The following TMEM132D variants were observed in gnomAD, a reference collection of about 807,000 sequenced individuals.
TMEM132D encodes transmembrane protein 132D, also known as mature OL transmembrane protein.
Under a neutral mutation model 62.3 loss-of-function variants are expected in TMEM132D, and 21 were observed. The ratio of observed to expected loss-of-function variants is 0.34; its 90% confidence interval spans 0.24 to 0.49. The LOEUF (loss-of-function observed/expected upper bound fraction) is 0.49, where lower values mean the gene tolerates loss of function less well. Among genes scored for constraint, TMEM132D ranks in the 20% least tolerant of loss-of-function variants. The probability of loss-of-function intolerance (pLI) is 0.99; values close to 1 mark genes in which losing one functional copy is unlikely to be tolerated. For missense variants in TMEM132D, 1,346 were observed against 1,402.8 expected, an observed-to-expected ratio of 0.96 and a Z score of 0.65; for synonymous variants, 621 against 575.6, an observed-to-expected ratio of 1.08 and a Z score of -1.13.
intron 1 of TMEM132D, among the ~76,000 whole-genome samples, chr12:129,781,451 A>G (rs1476083068): frequency 6.6e-6 from 1 of 152,228 alleles, no homozygotes; most frequent in Non-Finnish European, 1.5e-5. Flanking sequence ...AAATGTATAC[A>G]ATGATTATTT....
chr12:129,539,386 C>A (rs1235747106), intron 2 of TMEM132D, among the ~76,000 whole-genome samples: 2 of 150,140 alleles, frequency 1.3e-5, no homozygotes, highest in African/African-American at 4.9e-5. Context: ...TGTGAGCCAC[C>A]ACATTTGGCT....
chr12:129,310,014 A>G (rs954085407), intron 4 of TMEM132D, among the ~76,000 whole-genome samples: 7 of 151,916 alleles, frequency 4.6e-5, no homozygotes, highest in African/African-American at 1.7e-4. Flanking sequence ...GCATTTCCCA[A>G]AAAAAAAGTG....
At chr12:129,535,411 G>A (rs1044359440) in intron 2 of TMEM132D, among the ~76,000 whole-genome samples, 7 of 152,188 alleles carry the variant, frequency 4.6e-5, no homozygotes, top group African/African-American at 1.7e-4. Context: ...GATTTGGATG[G>A]AGGATTTGCA....
chr12:129,555,095 A>T (rs1186606652), intron 2 of TMEM132D, among the ~76,000 whole-genome samples: 1 of 152,248 alleles, frequency 6.6e-6, no homozygotes, highest in Non-Finnish European at 1.5e-5. Flanking sequence ...AACAATGACA[A>T]TAATAGGATT....
At chr12:129,695,603 A>T (rs1257517687) in intron 2 of TMEM132D, among the ~76,000 whole-genome samples, 1 of 152,268 alleles carries the variant, frequency 6.6e-6, no homozygotes. Flanking sequence ...TCTTCACAAG[A>T]GGAAAATGCC....
intron 1 of TMEM132D, among the ~76,000 whole-genome samples, chr12:129,829,524 A>C (rs73160251): frequency 0.071 from 10,852 of 152,220 alleles, 426 homozygotes; most frequent in East Asian, 0.11. Flanking sequence ...CAGGTCACCC[A>C]AACTCAGGGC....
At chr12:129,744,941 G>T (rs1025358187) in intron 1 of TMEM132D, among the ~76,000 whole-genome samples, 1 of 152,148 alleles carries the variant, frequency 6.6e-6, no homozygotes, top group Non-Finnish European at 1.5e-5. Flanking sequence ...GGAGGTGATT[G>T]GATCATGGGG....
chr12:129,834,660 G>A (rs770792423), intron 1 of TMEM132D, among the ~76,000 whole-genome samples: 99 of 152,252 alleles, frequency 6.5e-4, no homozygotes, highest in African/African-American at 2.2e-3. Context: ...GGATGAGCAC[G>A]ATTCCTGTGA....
chr12:129,199,091 C>T lies in TMEM132D; in HGVS notation c.1443+10429G>A, dbSNP rs530898677. Reference sequence around the variant, plus strand: ...AATTTCTATTCTCATTGCTATAACACGTCCATCTACCTTTTTTTTTTTTTT... The same window carrying T: ...AATTTCTATTCTCATTGCTATAACATGTCCATCTACCTTTTTTTTTTTTTT... On this transcript the variant is annotated intron_variant, in intron 5 of 8. Coordinates refer to ENST00000422113, the MANE Select transcript of TMEM132D (RefSeq NM_133448.3). 4.2e-5 allele frequency among the ~76,000 whole-genome samples: 6 copies of T among 143,062 alleles called. No homozygotes were observed. The South Asian group carries it at 1.1e-3, about 27-fold the overall frequency. 93.9% of individuals were successfully genotyped at this position (143,062 alleles called of 152,430 possible).
chr12:129,415,898 C>A (rs1446633035), intron 3 of TMEM132D, among the ~76,000 whole-genome samples: 1 of 152,162 alleles, frequency 6.6e-6, no homozygotes, highest in Admixed American at 6.5e-5. Context: ...GATCTTTGCT[C>A]TTCTCTGTTA....
chr12:129,246,906 A>G (rs80178552), intron 4 of TMEM132D, among the ~76,000 whole-genome samples: 1,643 of 152,318 alleles, frequency 0.011, 29 homozygotes, highest in African/African-American at 0.037. Context: ...ATGCTAGTTG[A>G]GTTCATTTAC....
intron 2 of TMEM132D, among the ~76,000 whole-genome samples, chr12:129,584,727 T>C (rs533790248): frequency 9.1e-4 from 139 of 152,326 alleles, no homozygotes; most frequent in African/African-American, 3.2e-3. Flanking sequence ...AACACTGCAT[T>C]ATTTGAAAGG....
At chr12:129,085,053 G>T (rs1314005799) in intron 5 of TMEM132D, 1 of 404,082 alleles carries the variant, frequency 2.5e-6, no homozygotes, top group African/African-American at 2.1e-5. Context: ...AGAGTTACCC[G>T]GGAGTTATGT....
At chr12:129,737,588 G>C (rs984901848) in intron 1 of TMEM132D, among the ~76,000 whole-genome samples, 2 of 151,874 alleles carry the variant, frequency 1.3e-5, no homozygotes, top group Non-Finnish European at 2.9e-5. Context: ...CCACAACTGT[G>C]TCCACTGCCA....
At position 129,700,671 on chromosome 12, in the gene TMEM132D, C is replaced by G. The variant is rs994956225; in HGVS notation, c.107G>C (p.Ser36Thr). The change falls in exon 2 of 9, where the codon AGC (serine) becomes ACC (threonine). Residue 36 changes from serine (S) to threonine (T), a missense_variant. By Grantham distance (58) the Ser-to-Thr change is moderately conservative (BLOSUM62 1). Transcript: ENST00000422113. ...GGGCAGCAAGGAAAACCTCTGGATGCTCTCAAGGATCCCTCGACCTTCCGT... is the reference window on the plus strand; with the variant it reads ...GGGCAGCAAGGAAAACCTCTGGATGGTCTCAAGGATCCCTCGACCTTCCGT... ...KVTEGRGILE[S>T]IQRFSLLPTY... 2.7e-5 allele frequency: 43 copies of G among 1,612,922 alleles called. No homozygotes were observed. The highest frequency in any genetic ancestry group is 3.6e-5 in the Non-Finnish European group (42 of 1,179,610).
chr12:129,661,419 C>G (rs1364219872), intron 2 of TMEM132D, among the ~76,000 whole-genome samples: 2 of 152,176 alleles, frequency 1.3e-5, no homozygotes, highest in Non-Finnish European at 2.9e-5. Flanking sequence ...ATGGAAAAGG[C>G]AAAGGCAGAA....
rs144939653 is a variant in TMEM132D, at chr12:129,224,530, G to A, written c.1300-14867C>T. Among the ~76,000 whole-genome samples, 712 of 152,298 alleles carry A rather than the reference G, an allele frequency of 4.7e-3. 10 individuals are homozygous for A. The highest frequency in any genetic ancestry group is 0.016 in the African/African-American group (659 of 41,564). On this transcript the variant is annotated intron_variant, in intron 4 of 8. Coordinates refer to ENST00000422113, the MANE Select transcript of TMEM132D (RefSeq NM_133448.3). ...CTTTGTGCAACCAGAGCTGGCTTTA[G>A]GTAACAGACAAACCTTTCAAAAACA...
chr12:129,516,878 C>T (rs1363577905), intron 3 of TMEM132D, among the ~76,000 whole-genome samples: 4 of 152,108 alleles, frequency 2.6e-5, no homozygotes, highest in African/African-American at 9.7e-5. Context: ...GAATCCATTG[C>T]CTTGCTTTTT....
intron 5 of TMEM132D, among the ~76,000 whole-genome samples, chr12:129,149,467 A>G (rs947573750): frequency 6.6e-6 from 1 of 152,170 alleles, no homozygotes; most frequent in African/African-American, 2.4e-5. Context: ...TGCATACCCC[A>G]CATTTTTATG....
Sources: allele counts gnomAD v4.1 joint callset (sites outside exome capture counted in the v4.1 genomes callset), GRCh38; gene constraint gnomAD v4.1.1; transcripts MANE v1.5; gene names NCBI Gene and HGNC (gene_info 2026-07-23, HGNC 2026-07-21).